The following RGS7 variants were observed in gnomAD, a reference collection of about 807,000 sequenced individuals.
RGS7 encodes regulator of G protein signaling 7.
A neutral mutation model predicts 81.1 loss-of-function variants in RGS7; 27 were observed. The ratio of observed to expected loss-of-function variants is 0.33; its 90% confidence interval spans 0.25 to 0.46. The LOEUF is 0.46. Among genes scored for constraint, RGS7 ranks in the 20% least tolerant of loss-of-function variants. The pLI is 1.00. For synonymous variants in RGS7, 208 were observed against 207.7 expected, an observed-to-expected ratio of 1.00 and a Z score of -0.01; for missense variants, 396 against 607.4, an observed-to-expected ratio of 0.65 and a Z score of 3.66.
At chr1:240,822,669 C>A (rs1692017983) in intron 10 of RGS7, among the ~76,000 whole-genome samples, 1 of 152,166 alleles carries the variant, frequency 6.6e-6, no homozygotes, top group Admixed American at 6.5e-5. Context: ...AGTGATTTGT[C>A]TTCTTACCCA....
rs1408772600 is a variant in RGS7, at chr1:240,838,772, T to TA, written c.610-11601_610-11600insT. Among the ~76,000 whole-genome samples the TA allele has an allele frequency of 2.0e-4, 28 of 137,878 alleles. No individual in the cohort carries two copies. In the South Asian group the frequency reaches 6.1e-3, roughly 30 times the overall value. The allele number at this position is 137,878 out of a possible 152,430, so 90.5% of individuals were successfully genotyped here. On this transcript the variant is annotated intron_variant, in intron 9 of 18. Coordinates refer to ENST00000440928, the MANE Select transcript of RGS7 (RefSeq NM_001364886.1). ...GAGGACAATGCTTATTTTTTATTAT[T>TA]TTTTTTTTTTTTGAGACAGAGTCTT...
intron 3 of RGS7, among the ~76,000 whole-genome samples, chr1:241,057,951 C>A (rs1022089700): frequency 6.6e-6 from 1 of 152,106 alleles, no homozygotes; most frequent in African/African-American, 2.4e-5. Context: ...GATAGTCAGG[C>A]ATGAGTAGGG....
intron 2 of RGS7, among the ~76,000 whole-genome samples, chr1:241,220,752 G>A (rs2074844261): frequency 6.6e-6 from 1 of 151,886 alleles, no homozygotes; most frequent in East Asian, 1.9e-4. Context: ...AAAGAGACAT[G>A]GGCCAGGCAG....
At chr1:240,847,625 C>G (rs941190930) in intron 9 of RGS7, among the ~76,000 whole-genome samples, 1 of 152,152 alleles carries the variant, frequency 6.6e-6, no homozygotes, top group Non-Finnish European at 1.5e-5. Flanking sequence ...TTGCCCTCCC[C>G]AACTTCTGTC....
intron 6 of RGS7, among the ~76,000 whole-genome samples, chr1:240,881,061 ATT>A: frequency 6.6e-6 from 1 of 152,140 alleles, no homozygotes; most frequent in Non-Finnish European, 1.5e-5. Flanking sequence ...AACCACAGTG[ATT>A]TTTGGATTTA....
rs373353849 is a variant in RGS7, at chr1:241,140,121, T to G, written c.79-41359A>C. On this transcript the variant is annotated intron_variant, in intron 2 of 18. Transcript: ENST00000440928. ...TGACTTTGTACCAGGATCCCTTGTG[T>G]CTGGCTTCGGATGGAGACACAGGCA... is the stretch of plus-strand genomic sequence containing the variant. Among the ~76,000 whole-genome samples, 15 of 152,330 alleles carry G rather than the reference T, an allele frequency of 9.8e-5. No individual in the cohort carries two copies. The East Asian group carries it at 1.5e-3, about 16-fold the overall frequency.
chr1:241,241,791 C>G (rs568034268), intron 2 of RGS7, among the ~76,000 whole-genome samples: 2 of 152,182 alleles, frequency 1.3e-5, no homozygotes, highest in South Asian at 4.1e-4. Context: ...TTCTATGAGG[C>G]CTTTTCTTTT....
At chr1:241,070,743 C>G (rs2062387893) in intron 3 of RGS7, among the ~76,000 whole-genome samples, 1 of 148,366 alleles carries the variant, frequency 6.7e-6, no homozygotes, top group Admixed American at 6.8e-5. Flanking sequence ...CAAGCCACTA[C>G]ATAAAAATAC....
chr1:241,305,984 G>A (rs1172175469), intron 2 of RGS7: 1 of 155,358 alleles, frequency 6.4e-6, no homozygotes. Context: ...CTCTAAAGTA[G>A]AGAGTAGCCA....
At chr1:241,134,864 T>TA (rs1308783308) in intron 2 of RGS7, among the ~76,000 whole-genome samples, 2 of 151,862 alleles carry the variant, frequency 1.3e-5, no homozygotes, top group Non-Finnish European at 2.9e-5. Context: ...CAAGGCCACT[T>TA]ACAGTAATCA....
At chr1:241,287,048 T>C (rs931149522) in intron 2 of RGS7, among the ~76,000 whole-genome samples, 3 of 152,210 alleles carry the variant, frequency 2.0e-5, no homozygotes, top group Non-Finnish European at 4.4e-5. Flanking sequence ...ATGACAAATA[T>C]AGACATCACA....
At chr1:241,002,217 C>A (rs942631291) in intron 3 of RGS7, among the ~76,000 whole-genome samples, 1 of 151,862 alleles carries the variant, frequency 6.6e-6, no homozygotes, top group Admixed American at 6.6e-5. Context: ...GAGGCCGAGG[C>A]GGGTGGATCA....
At chr1:240,946,342 C>T (rs1163438286) in intron 4 of RGS7, among the ~76,000 whole-genome samples, 1 of 152,122 alleles carries the variant, frequency 6.6e-6, no homozygotes, top group Non-Finnish European at 1.5e-5. Flanking sequence ...GTGGCTCACA[C>T]CTGTAATCCC....
At chr1:241,346,985 C>T (rs532236711) in intron 2 of RGS7, among the ~76,000 whole-genome samples, 1 of 152,204 alleles carries the variant, frequency 6.6e-6, no homozygotes, top group Admixed American at 6.5e-5. Flanking sequence ...CTACATGGTA[C>T]CAAATTTTCT....
At chr1:240,811,794 T>A in intron 14 of RGS7, 124 bp downstream of exon 14, 1 of 914,288 alleles carries the variant, frequency 1.1e-6, no homozygotes, top group Non-Finnish European at 1.8e-6. Context: ...TGGCAGAAAT[T>A]CAATGGGTTC....
chr1:241,108,518 G>GT (rs1451648577), intron 2 of RGS7, among the ~76,000 whole-genome samples: 1 of 152,178 alleles, frequency 6.6e-6, no homozygotes, highest in Non-Finnish European at 1.5e-5. Context: ...GATGCTAAAT[G>GT]TATGTGAAAG....
chr1:241,224,401 C>G (rs2148017298), intron 2 of RGS7, among the ~76,000 whole-genome samples: 1 of 152,216 alleles, frequency 6.6e-6, no homozygotes, highest in Non-Finnish European at 1.5e-5. Flanking sequence ...CCAGATGCAT[C>G]CATGTCCCTG....
chr1:241,141,724 C>T (rs1323482974), intron 2 of RGS7, among the ~76,000 whole-genome samples: 1 of 152,160 alleles, frequency 6.6e-6, no homozygotes, highest in Non-Finnish European at 1.5e-5. Context: ...ATGGGAACTA[C>T]AATTCAAGAT....
At chr1:241,347,505 C>A (rs2082973849) in intron 2 of RGS7, among the ~76,000 whole-genome samples, 1 of 152,098 alleles carries the variant, frequency 6.6e-6, no homozygotes, top group Non-Finnish European at 1.5e-5. Flanking sequence ...ATTTAAAATT[C>A]TCAGAAAGGG....
Sources: gnomAD v4.1 joint callset for allele counts (sites outside exome capture counted in the v4.1 genomes callset) on GRCh38, gnomAD v4.1.1 for gene constraint, MANE v1.5 for transcripts, NCBI Gene and HGNC (gene_info 2026-07-23, HGNC 2026-07-21) for gene names.